Variants in XNDC1N observed in about 807,000 individuals in gnomAD.
XNDC1N encodes the protein protein XNDC1N.
the XNDC1N span, among the ~76,000 whole-genome samples, chr11:71,902,141 G>C: frequency 1.3e-5 from 2 of 152,098 alleles, no homozygotes; most frequent in East Asian, 3.8e-4. Context: ...ACACTTCCTT[G>C]CTTCACCAAA....
the XNDC1N span, among the ~76,000 whole-genome samples, chr11:71,902,620 CAAT>C: frequency 6.6e-6 from 1 of 152,250 alleles, no homozygotes; most frequent in Non-Finnish European, 1.5e-5. Context: ...TCCGAAAACA[CAAT>C]GATGAAATCA....
the XNDC1N span, among the ~76,000 whole-genome samples, chr11:71,907,676 GGTC>G: frequency 1.3e-5 from 2 of 152,016 alleles, no homozygotes; most frequent in African/African-American, 4.8e-5. Flanking sequence ...CCAGGTGTCA[GGTC>G]GTCCTCTCCC....
the XNDC1N span, among the ~76,000 whole-genome samples, chr11:71,919,929 C>CTTCTTTTTTTTTTTTTTTTTTT: frequency 3.8e-5 from 1 of 26,590 alleles, no homozygotes; most frequent in Non-Finnish European, 8.4e-5. Flanking sequence ...AAGCAGGCCT[C>CTTCTTTTTTTTTTTTTTTTTTT]TTTTTTTTTT....
At chr11:71,902,317 G>A in the XNDC1N span, among the ~76,000 whole-genome samples, 2 of 152,138 alleles carry the variant, frequency 1.3e-5, no homozygotes, top group Non-Finnish European at 2.9e-5. Context: ...TCAGCCTCCC[G>A]AGTAGCTGGG....
the XNDC1N span, among the ~76,000 whole-genome samples, chr11:71,895,402 C>T: frequency 2.6e-5 from 4 of 151,962 alleles, no homozygotes; most frequent in African/African-American, 4.8e-5. Flanking sequence ...TTCTGCCTCC[C>T]CTATTCAAGC....
At chr11:71,914,100 G>A in the XNDC1N span, among the ~76,000 whole-genome samples, 1 of 152,138 alleles carries the variant, frequency 6.6e-6, no homozygotes, top group African/African-American at 2.4e-5. Flanking sequence ...CATCCATTTT[G>A]CAGCCCAAGG....
chr11:71,925,019 T>C, the XNDC1N span, among the ~76,000 whole-genome samples: 1 of 151,900 alleles, frequency 6.6e-6, no homozygotes, highest in Admixed American at 6.6e-5. Context: ...TTCCCTTTTC[T>C]CCACGATTTT....
the XNDC1N span, among the ~76,000 whole-genome samples, chr11:71,883,783 A>G: frequency 1.3e-5 from 2 of 152,218 alleles, no homozygotes; most frequent in African/African-American, 4.8e-5. Context: ...GCTCCTGTCC[A>G]TATCTCAGTA....
chr11:71,926,503 T>A, the XNDC1N span, among the ~76,000 whole-genome samples: 46 of 152,366 alleles, frequency 3.0e-4, no homozygotes, highest in African/African-American at 1.1e-3. Flanking sequence ...CAGAGCAGCA[T>A]CATGATTCTG....
chr11:71,919,305 A>C, the XNDC1N span, among the ~76,000 whole-genome samples: 1 of 152,170 alleles, frequency 6.6e-6, no homozygotes. Context: ...TCAATACTGA[A>C]GCTGAGAGGT....
chr11:71,867,406 T>A, the XNDC1N span, among the ~76,000 whole-genome samples: 1 of 152,080 alleles, frequency 6.6e-6, no homozygotes, highest in Non-Finnish European at 1.5e-5. Flanking sequence ...GAAAACTGCT[T>A]TGAGAAGGCA....
chr11:71,878,552 A>T, the XNDC1N span: 1 of 1,591,660 alleles, frequency 6.3e-7, no homozygotes, highest in Non-Finnish European at 8.5e-7. Flanking sequence ...TAAAAATATA[A>T]GTAAAAGAAA....
At chr11:71,904,722 G>A in the XNDC1N span, among the ~76,000 whole-genome samples, 2 of 151,998 alleles carry the variant, frequency 1.3e-5, no homozygotes, top group Non-Finnish European at 2.9e-5. Flanking sequence ...TGACACACAT[G>A]GTGTACATCT....
At chr11:71,873,243 C>A in the XNDC1N span, among the ~76,000 whole-genome samples, 28,385 of 151,770 alleles carry the variant, frequency 0.19, 4,850 homozygotes, top group African/African-American at 0.45. Flanking sequence ...TAGTAAATGT[C>A]TTGAAAACCA....
the XNDC1N span, among the ~76,000 whole-genome samples, chr11:71,918,470 C>T: frequency 6.6e-6 from 1 of 151,868 alleles, no homozygotes. Flanking sequence ...TTGGTAGAGA[C>T]AGGATTTTGC....
the XNDC1N span, among the ~76,000 whole-genome samples, chr11:71,885,706 T>C: frequency 6.6e-6 from 1 of 152,022 alleles, no homozygotes; most frequent in Admixed American, 6.6e-5. Flanking sequence ...TCATTTATTA[T>C]TAACATGAAT....
At chr11:71,867,856 C>G in the XNDC1N span, among the ~76,000 whole-genome samples, 2 of 152,272 alleles carry the variant, frequency 1.3e-5, no homozygotes, top group African/African-American at 4.8e-5. Context: ...TTTTCTCTCT[C>G]AATGATCTGT....
chr11:71,928,326 C>A, the XNDC1N span: 2 of 618,008 alleles, frequency 3.2e-6, no homozygotes, highest in Non-Finnish European at 5.8e-6. Context: ...TCCCTCTCGG[C>A]CACTCCCCTC....
the XNDC1N span, among the ~76,000 whole-genome samples, chr11:71,878,086 C>A: frequency 1.3e-5 from 2 of 152,166 alleles, no homozygotes; most frequent in Non-Finnish European, 2.9e-5. Context: ...GTGGTTCTTC[C>A]CATTATCAGA....
Sources: gnomAD v4.1 joint callset for allele counts (sites outside exome capture counted in the v4.1 genomes callset) on GRCh38, gnomAD v4.1.1 for gene constraint, MANE v1.5 for transcripts, NCBI Gene and HGNC (gene_info 2026-07-23, HGNC 2026-07-21) for gene names.